The following PRKD1 variants were observed in gnomAD, a reference collection of about 807,000 sequenced individuals.
PRKD1 encodes the protein serine/threonine-protein kinase D1.
In PRKD1, 63 loss-of-function variants were observed where a neutral mutation model predicts 95.9. The ratio of observed to expected loss-of-function variants is 0.66; its 90% CI spans 0.54 to 0.81. The LOEUF (loss-of-function observed/expected upper bound fraction) is 0.81, where lower values mean the gene tolerates loss of function less well. Among genes scored for constraint, PRKD1 ranks in the 30% least tolerant of loss-of-function variants. The pLI, the probability that PRKD1 is intolerant of heterozygous loss-of-function variation, is 0.00. For missense variants in PRKD1, 1,048 were observed against 1,165.3 expected, an observed-to-expected ratio of 0.90 and a Z score of 1.47; for synonymous variants, 425 against 423.1, an observed-to-expected ratio of 1.00 and a Z score of -0.05.
intron 2 of PRKD1, among the ~76,000 whole-genome samples, chr14:29,716,237 A>T (rs1423845196): frequency 6.6e-6 from 1 of 152,182 alleles, no homozygotes; most frequent in Non-Finnish European, 1.5e-5. Flanking sequence ...TCTGGCTGAA[A>T]ATCCACTTGC....
chr14:29,788,893 T>A (rs1379077698), intron 1 of PRKD1, among the ~76,000 whole-genome samples: 2 of 152,068 alleles, frequency 1.3e-5, no homozygotes, highest in Non-Finnish European at 2.9e-5. Flanking sequence ...ATTTATTTAT[T>A]TATTTATTTT....
At chr14:29,757,482 C>T (rs1039296689) in intron 1 of PRKD1, among the ~76,000 whole-genome samples, 1 of 152,096 alleles carries the variant, frequency 6.6e-6, no homozygotes, top group African/African-American at 2.4e-5. Context: ...AAATACATAG[C>T]AATCCAGGAG....
chr14:29,581,685 TTA>T (rs1252341935), intron 16 of PRKD1, among the ~76,000 whole-genome samples: 22 of 152,222 alleles, frequency 1.4e-4, no homozygotes, highest in Non-Finnish European at 2.1e-4. Flanking sequence ...ACATTCTTAG[TTA>T]TGTTTCCACC....
chr14:29,860,211 G>A (rs1342952096), intron 1 of PRKD1, among the ~76,000 whole-genome samples: 2 of 152,194 alleles, frequency 1.3e-5, no homozygotes, highest in African/African-American at 4.8e-5. Context: ...AAATCAAAGC[G>A]ATTATAAAAC....
At position 29,882,860 on chromosome 14, in the gene PRKD1, TG is replaced by T. The variant is rs1257249906; in HGVS notation, c.264+44388del. On this transcript the variant is annotated intron_variant, in intron 1 of 17. Coordinates refer to ENST00000331968, the MANE Select transcript of PRKD1 (RefSeq NM_002742.3). ...TTTTTAAGGTTGAACAATATTCCACTGTGTGTGTGTGTGTGCACGTGTATAC... is the reference window on the plus strand; with the variant it reads ...TTTTTAAGGTTGAACAATATTCCACTTGTGTGTGTGTGTGCACGTGTATAC... Among the ~76,000 whole-genome samples, 146 of 59,026 alleles carry T rather than the reference TG, an allele frequency of 2.5e-3. 3 individuals are homozygous for T. The highest frequency in any genetic ancestry group is 0.011 in the African/African-American group (141 of 12,328). 38.7% of individuals were successfully genotyped at this position (59,026 alleles called of 152,430 possible). A position where few individuals can be genotyped will look rare whatever the true frequency, so the allele number is the denominator to read the frequency against.
At chr14:29,602,305 TG>T (rs1203469856) in intron 13 of PRKD1, among the ~76,000 whole-genome samples, 13 of 152,264 alleles carry the variant, frequency 8.5e-5, no homozygotes, top group Admixed American at 3.9e-4. Flanking sequence ...CACAGCCTGC[TG>T]CTTCTGCTGA....
At chr14:29,619,167 C>T (rs1025021524) in intron 13 of PRKD1, among the ~76,000 whole-genome samples, 4 of 147,092 alleles carry the variant, frequency 2.7e-5, no homozygotes, top group Non-Finnish European at 4.5e-5. Context: ...AATCACGGTA[C>T]TTTTTTTTTT....
intron 1 of PRKD1, among the ~76,000 whole-genome samples, chr14:29,810,721 C>T (rs1890448232): frequency 6.6e-6 from 1 of 152,210 alleles, no homozygotes; most frequent in Non-Finnish European, 1.5e-5. Context: ...AGGTGGCAGG[C>T]ACCTGCTCTG....
chr14:29,629,254 T>C (rs1209759699), intron 10 of PRKD1, among the ~76,000 whole-genome samples, 161 bp from the exon 11 acceptor site: 1 of 152,250 alleles, frequency 6.6e-6, no homozygotes, highest in Non-Finnish European at 1.5e-5. Flanking sequence ...ATTTATTTCC[T>C]TTCAAAATTA....
intron 1 of PRKD1, among the ~76,000 whole-genome samples, chr14:29,897,210 A>G (rs1428987523): frequency 6.6e-6 from 1 of 152,156 alleles, no homozygotes; most frequent in Non-Finnish European, 1.5e-5. Context: ...ATATTTCCAC[A>G]TCCACATTTT....
At chr14:29,847,798 C>G (rs1009210402) in intron 1 of PRKD1, among the ~76,000 whole-genome samples, 4 of 152,056 alleles carry the variant, frequency 2.6e-5, no homozygotes, top group African/African-American at 9.7e-5. Context: ...GATATTGTAG[C>G]CAATCCATAG....
chr14:29,721,518 CAG>C (rs1885895413), intron 2 of PRKD1, among the ~76,000 whole-genome samples: 1 of 152,040 alleles, frequency 6.6e-6, no homozygotes, highest in Admixed American at 6.6e-5. Flanking sequence ...ACCAAACAAA[CAG>C]TGTTTTGAGT....
rs1275919917 is a variant in PRKD1, at chr14:29,629,133, G to T, written c.1673-40C>A. ...AAAACAATATGCACACAAAAAGTCA[G>T]TAAGAGATGTAATAGCAAAACAAGT... is the stretch of plus-strand genomic sequence containing the variant. On this transcript the variant is annotated intron_variant, in intron 10 of 17. Transcript: ENST00000331968. 3.9e-6 allele frequency: 6 copies of T among 1,548,624 alleles called. No homozygotes were observed. In the East Asian group the frequency reaches 1.4e-4, roughly 35 times the overall value.
chr14:29,843,853 G>A (rs953222273), intron 1 of PRKD1, among the ~76,000 whole-genome samples: 4 of 152,170 alleles, frequency 2.6e-5, no homozygotes, highest in African/African-American at 9.7e-5. Flanking sequence ...AGTAAAAGTT[G>A]TTTGCAACTT....
chr14:29,779,726 A>C (rs1336642513), intron 1 of PRKD1, among the ~76,000 whole-genome samples: 4 of 152,208 alleles, frequency 2.6e-5, no homozygotes, highest in Admixed American at 2.6e-4. Flanking sequence ...GGTAATTTAT[A>C]GATTCAATGC....
intron 1 of PRKD1, among the ~76,000 whole-genome samples, chr14:29,778,882 T>C (rs1159100629): frequency 1.3e-5 from 2 of 151,962 alleles, no homozygotes. Flanking sequence ...GATGCAAAAA[T>C]CCTCAATAAA....
chr14:29,899,474 C>T (rs1317471525), intron 1 of PRKD1, among the ~76,000 whole-genome samples: 2 of 151,998 alleles, frequency 1.3e-5, no homozygotes, highest in African/African-American at 2.4e-5. Context: ...TGGTAAAACC[C>T]CATCTCTACT....
chr14:29,734,329 T>TGC (rs1886614185), intron 1 of PRKD1, among the ~76,000 whole-genome samples: 1 of 152,080 alleles, frequency 6.6e-6, no homozygotes. Context: ...TGTGAGCCAC[T>TGC]GCGCCCAGCC....
chr14:29,717,490 A>C (rs1470675724), intron 2 of PRKD1, among the ~76,000 whole-genome samples: 1 of 152,190 alleles, frequency 6.6e-6, no homozygotes, highest in East Asian at 1.9e-4. Context: ...CTGAAACCAA[A>C]GTATTGACTG....
Sources: allele counts gnomAD v4.1 joint callset (sites outside exome capture counted in the v4.1 genomes callset), GRCh38; gene constraint gnomAD v4.1.1; transcripts MANE v1.5; gene names NCBI Gene and HGNC (gene_info 2026-07-23, HGNC 2026-07-21).